EXOC4: variants seen among roughly 807,000 people sequenced by gnomAD.
EXOC4 encodes exocyst complex component 4.
EXOC4 carries 71 observed loss-of-function variants against 107.2 expected under a neutral mutation model. The observed-to-expected ratio is 0.66, with a 90% confidence interval of 0.55 to 0.81. EXOC4 has a LOEUF of 0.81. EXOC4 is among the 30% of genes least tolerant of loss of function. The probability of loss-of-function intolerance (pLI) is 0.00; values close to 1 mark genes in which losing one functional copy is unlikely to be tolerated. For missense variants in EXOC4, 1,108 were observed against 1,189.6 expected, an observed-to-expected ratio of 0.93 and a Z score of 1.01; for synonymous variants, 456 against 441.2, an observed-to-expected ratio of 1.03 and a Z score of -0.42.
At chr7:133,531,545 T>C (rs1189559303) in intron 9 of EXOC4, among the ~76,000 whole-genome samples, 1 of 152,152 alleles carries the variant, frequency 6.6e-6, no homozygotes, top group African/African-American at 2.4e-5. Context: ...TCTTTAGTCA[T>C]GGACTGTGGC....
intron 11 of EXOC4, among the ~76,000 whole-genome samples, chr7:133,840,717 G>A (rs12707123): frequency 0.42 from 64,350 of 151,616 alleles, 14,214 homozygotes; most frequent in South Asian, 0.61. Flanking sequence ...TCCTGGCCTC[G>A]CGATCCACCT....
At chr7:133,834,332 C>T (rs999341311) in intron 11 of EXOC4, among the ~76,000 whole-genome samples, 1 of 152,172 alleles carries the variant, frequency 6.6e-6, no homozygotes, top group East Asian at 1.9e-4. Context: ...TACAGACACC[C>T]CTTCCCCTTC....
At chr7:133,518,537 T>A (rs1366081068) in intron 9 of EXOC4, among the ~76,000 whole-genome samples, 1 of 152,082 alleles carries the variant, frequency 6.6e-6, no homozygotes, top group Non-Finnish European at 1.5e-5. Flanking sequence ...ACAGATATTT[T>A]ATACCCATGT....
chr7:133,450,257 C>G (rs1313810596), intron 7 of EXOC4, among the ~76,000 whole-genome samples: 1 of 152,068 alleles, frequency 6.6e-6, no homozygotes, highest in Non-Finnish European at 1.5e-5. Context: ...TCAAACTCTT[C>G]GGCTCAAGCA....
chr7:133,983,480 T>G (rs1448081941), intron 14 of EXOC4, among the ~76,000 whole-genome samples: 3 of 152,200 alleles, frequency 2.0e-5, no homozygotes, highest in African/African-American at 7.2e-5. Context: ...TTCCGCTTAC[T>G]TGCTGTGTCA....
Position 133,846,121 on chromosome 7 carries a change from AAAT to A in EXOC4, c.1734+28580_1734+28582del, listed in dbSNP as rs143290209. On this transcript the variant is annotated intron_variant, in intron 11 of 17. Transcript: ENST00000253861. Reference sequence around the variant, plus strand: ...GAAGTTGGTCTTCAATCAAGCAAAAAAATAAGGGATAAAGTGAAAGGAAATTTG... The same window carrying A: ...GAAGTTGGTCTTCAATCAAGCAAAAAAAGGGATAAAGTGAAAGGAAATTTG... 2.4e-3 allele frequency among the ~76,000 whole-genome samples: 365 copies of A among 152,316 alleles called. 5 individuals carry two copies. The highest frequency in any genetic ancestry group is 8.2e-3 in the African/African-American group (341 of 41,558).
intron 9 of EXOC4, among the ~76,000 whole-genome samples, chr7:133,619,078 G>A (rs1233886831): frequency 6.7e-6 from 1 of 148,646 alleles, no homozygotes; most frequent in Non-Finnish European, 1.5e-5. Context: ...TAGGTTTGCT[G>A]GTAAAGTTAT....
chr7:133,266,138 A>G (rs1793726472), intron 1 of EXOC4, among the ~76,000 whole-genome samples: 1 of 152,170 alleles, frequency 6.6e-6, no homozygotes. Context: ...GCTGGTTTCT[A>G]GAGAAGCCTC....
intron 11 of EXOC4, among the ~76,000 whole-genome samples, chr7:133,847,685 C>G (rs138425407): frequency 2.7e-5 from 4 of 150,350 alleles, no homozygotes; most frequent in Non-Finnish European, 5.9e-5. Flanking sequence ...GTGCCCGGCC[C>G]GGTTAGGATT....
At chr7:133,537,296 A>ACCCCCCCCC (rs373040586) in intron 9 of EXOC4, among the ~76,000 whole-genome samples, 11 of 128,056 alleles carry the variant, frequency 8.6e-5, no homozygotes, top group African/African-American at 3.5e-4. Context: ...GATTACAGGC[A>ACCCCCCCCC]CCCCCCCCCC....
chr7:133,513,636 A>G (rs1799816472), intron 9 of EXOC4, among the ~76,000 whole-genome samples: 1 of 152,074 alleles, frequency 6.6e-6, no homozygotes, highest in African/African-American at 2.4e-5. Context: ...CCTTATTGTC[A>G]GGCATTTTCT....
chr7:133,473,922 G>T (rs1368635074), intron 7 of EXOC4, among the ~76,000 whole-genome samples: 1 of 152,038 alleles, frequency 6.6e-6, no homozygotes, highest in Non-Finnish European at 1.5e-5. Flanking sequence ...GGATGCTCTC[G>T]ATCTCCTGAC....
chr7:133,618,524 G>A (rs1408419550), intron 9 of EXOC4, among the ~76,000 whole-genome samples: 1 of 152,148 alleles, frequency 6.6e-6, no homozygotes, highest in East Asian at 1.9e-4. Context: ...ACATGTAAGT[G>A]TGCTAGACAA....
At chr7:133,663,934 C>T (rs1322779253) in intron 10 of EXOC4, among the ~76,000 whole-genome samples, 2 of 152,108 alleles carry the variant, frequency 1.3e-5, no homozygotes, top group African/African-American at 4.8e-5. Flanking sequence ...TTTTACAGGG[C>T]CCTAAATAAT....
chr7:134,021,746 A>T (rs1045196592), intron 17 of EXOC4, among the ~76,000 whole-genome samples: 1 of 147,554 alleles, frequency 6.8e-6, no homozygotes, highest in African/African-American at 2.5e-5. Flanking sequence ...AAAAAAAAAA[A>T]GTGGAGTAGG....
At chr7:133,334,802 C>T (rs1192452345) in intron 5 of EXOC4, among the ~76,000 whole-genome samples, 1 of 151,018 alleles carries the variant, frequency 6.6e-6, no homozygotes, top group Admixed American at 6.6e-5. Context: ...AGTTCCTACT[C>T]ATTAGTTGAG....
intron 10 of EXOC4, chr7:133,727,542 G>A (rs985346720): frequency 5.9e-5 from 9 of 153,040 alleles, no homozygotes; most frequent in African/African-American, 2.2e-4. Flanking sequence ...GGTTCCTGAG[G>A]CTGCCTTTGG....
At chr7:133,556,956 G>C (rs1025318146) in intron 9 of EXOC4, among the ~76,000 whole-genome samples, 1 of 152,184 alleles carries the variant, frequency 6.6e-6, no homozygotes, top group Admixed American at 6.5e-5. Context: ...CAGTGAGTGA[G>C]TGAGTGACTG....
intron 10 of EXOC4, among the ~76,000 whole-genome samples, chr7:133,815,022 G>A (rs1245160648): frequency 3.3e-5 from 5 of 152,014 alleles, no homozygotes; most frequent in Non-Finnish European, 5.9e-5. Flanking sequence ...ATAGCATTGT[G>A]GAACTGTAAA....
Sources: allele counts gnomAD v4.1 joint callset (sites outside exome capture counted in the v4.1 genomes callset), GRCh38; gene constraint gnomAD v4.1.1; transcripts MANE v1.5; gene names NCBI Gene and HGNC (gene_info 2026-07-23, HGNC 2026-07-21).